Variants in FHIT observed in about 807,000 individuals in gnomAD.
FHIT encodes the protein bis(5'-adenosyl)-triphosphatase.
A neutral mutation model predicts 17.9 loss-of-function variants in FHIT; 19 were observed. The observed-to-expected ratio is 1.06, with a 90% CI of 0.74 to 1.56. FHIT has a LOEUF of 1.56. Among genes scored for constraint, FHIT ranks in the 40% most tolerant of loss-of-function variants. FHIT has a pLI of 0.00. For missense variants in FHIT, 248 were observed against 189.2 expected (o/e 1.31, Z -1.82); for synonymous variants, 81 against 69.7 (o/e 1.16, Z -0.81).
chr3:61,238,720 T>TA (rs879343069), intron 1 of FHIT, among the ~76,000 whole-genome samples: 1 of 152,210 alleles, frequency 6.6e-6, no homozygotes, highest in Non-Finnish European at 1.5e-5. Flanking sequence ...AAGCTCTTTT[T>TA]AAAAATCTCT....
intron 2 of FHIT, among the ~76,000 whole-genome samples, chr3:61,134,087 T>TCA (rs1213911703): frequency 2.3e-5 from 1 of 42,560 alleles, no homozygotes; most frequent in African/African-American, 1.0e-4. Context: ...AGACTCTGTC[T>TCA]CACACACACA....
At chr3:61,231,395 G>T (rs1180621165) in intron 1 of FHIT, among the ~76,000 whole-genome samples, 1 of 151,942 alleles carries the variant, frequency 6.6e-6, no homozygotes, top group African/African-American at 2.4e-5. Flanking sequence ...TCGGGAGGCT[G>T]AGGTGAAAGG....
intron 5 of FHIT, among the ~76,000 whole-genome samples, chr3:60,127,345 C>T (rs779033839): frequency 6.6e-5 from 10 of 152,134 alleles, no homozygotes; most frequent in Non-Finnish European, 1.5e-4. Flanking sequence ...ATCATGTTAT[C>T]TTACAATTAA....
chr3:60,104,728 A>T (rs1483691459), intron 5 of FHIT, among the ~76,000 whole-genome samples: 1 of 152,152 alleles, frequency 6.6e-6, no homozygotes, highest in Non-Finnish European at 1.5e-5. Flanking sequence ...TTTAAGACAG[A>T]TAAAATTTAG....
intron 5 of FHIT, among the ~76,000 whole-genome samples, chr3:60,073,611 C>A (rs868716306): frequency 7.9e-5 from 12 of 152,062 alleles, no homozygotes; most frequent in Admixed American, 2.6e-4. Flanking sequence ...GTTTTCAGCC[C>A]CAAACAATCA....
intron 2 of FHIT, among the ~76,000 whole-genome samples, chr3:61,069,820 A>G (rs908692781): frequency 3.3e-5 from 5 of 152,230 alleles, no homozygotes; most frequent in African/African-American, 4.8e-5. Context: ...TGAAGATTGC[A>G]GGAGAATCAA....
chr3:60,706,736 T>C (rs373547069), intron 4 of FHIT, among the ~76,000 whole-genome samples: 9 of 152,230 alleles, frequency 5.9e-5, no homozygotes, highest in Admixed American at 1.3e-4. Flanking sequence ...TTTGGTCTGA[T>C]TCATTTACAT....
chr3:60,950,166 T>C (rs534429317), intron 3 of FHIT, among the ~76,000 whole-genome samples: 24 of 152,202 alleles, frequency 1.6e-4, no homozygotes, highest in Non-Finnish European at 3.2e-4. Context: ...CACAAGAGTA[T>C]GAAATTGTCT....
intron 8 of FHIT, among the ~76,000 whole-genome samples, chr3:59,777,339 C>T (rs963313510): frequency 5.9e-5 from 9 of 151,902 alleles, no homozygotes; most frequent in African/African-American, 2.2e-4. Flanking sequence ...TCTTTCCTCT[C>T]GCATGTGTAG....
At chr3:60,444,699 G>T (rs2031192187) in intron 5 of FHIT, among the ~76,000 whole-genome samples, 1 of 152,172 alleles carries the variant, frequency 6.6e-6, no homozygotes, top group Non-Finnish European at 1.5e-5. Context: ...CTGTTGTTGG[G>T]TGGGGGGAGT....
chr3:60,448,797 CCTA>C (rs1197016514), intron 5 of FHIT, among the ~76,000 whole-genome samples: 1 of 152,104 alleles, frequency 6.6e-6, no homozygotes, highest in Non-Finnish European at 1.5e-5. Context: ...ATGATTCTTC[CCTA>C]CTACATCTCA....
chr3:60,947,288 A>C (rs1342522814), intron 3 of FHIT, among the ~76,000 whole-genome samples: 1 of 152,158 alleles, frequency 6.6e-6, no homozygotes, highest in Non-Finnish European at 1.5e-5. Context: ...AAAAACCCTC[A>C]AATATTTAAA....
At chr3:60,462,856 C>G (rs188411649) in intron 5 of FHIT, among the ~76,000 whole-genome samples, 12 of 152,206 alleles carry the variant, frequency 7.9e-5, no homozygotes, top group Non-Finnish European at 1.5e-4. Flanking sequence ...TGTATCTACA[C>G]AGTCATGGCA....
At chr3:60,971,669 G>T (rs1191698990) in intron 3 of FHIT, among the ~76,000 whole-genome samples, 1 of 152,066 alleles carries the variant, frequency 6.6e-6, no homozygotes, top group Non-Finnish European at 1.5e-5. Flanking sequence ...TTTGCAGTTA[G>T]ATCTAGAGGC....
At chr3:60,463,994 T>C (rs575505402) in intron 5 of FHIT, among the ~76,000 whole-genome samples, 1 of 152,200 alleles carries the variant, frequency 6.6e-6, no homozygotes, top group Non-Finnish European at 1.5e-5. Context: ...GCTCCTTTTG[T>C]GGAAGAACAT....
At chr3:60,298,209 T>C (rs78762398) in intron 5 of FHIT, among the ~76,000 whole-genome samples, 1,854 of 152,136 alleles carry the variant, frequency 0.012, 39 homozygotes, top group African/African-American at 0.041. Flanking sequence ...TTATGCATGA[T>C]TGATTACAGC....
At chr3:59,816,351 G>A (rs576060097) in intron 8 of FHIT, among the ~76,000 whole-genome samples, 147 of 152,204 alleles carry the variant, frequency 9.7e-4, no homozygotes, top group African/African-American at 2.9e-3. Flanking sequence ...GACTTTTTGC[G>A]TTCATTAAAA....
intron 5 of FHIT, among the ~76,000 whole-genome samples, chr3:60,171,279 A>G (rs951178912): frequency 6.6e-6 from 1 of 152,116 alleles, no homozygotes; most frequent in Non-Finnish European, 1.5e-5. Context: ...CAAAGCTACA[A>G]TTTGCAGCAA....
In FHIT at chr3:60,861,173, C is replaced by CA. The variant is rs1326715427; in HGVS notation, c.-110-39163_-110-39162insT. 6.7e-3 allele frequency among the ~76,000 whole-genome samples: 8 copies of CA among 1,190 alleles called. 1 individual carries two copies. Among genetic ancestry groups the CA allele is most frequent in the African/African-American group, 0.011 (8 of 720 alleles). The allele number at this position is 1,190 out of a possible 152,430, so 0.8% of individuals were successfully genotyped here. On this transcript the variant is annotated intron_variant, in intron 3 of 9. Transcript: ENST00000492590. ...TCTATATACATATATATCATATGTT[C>CA]TATGATATATATGATATATATCATA...
Sources: allele counts gnomAD v4.1 joint callset (sites outside exome capture counted in the v4.1 genomes callset), GRCh38; gene constraint gnomAD v4.1.1; transcripts MANE v1.5; gene names NCBI Gene and HGNC (gene_info 2026-07-23, HGNC 2026-07-21).